Variants in IFT140 observed in about 807,000 individuals in gnomAD.
The protein encoded by IFT140 is intraflagellar transport 140, also known as intraflagellar transport protein 140 homolog.
In IFT140, 133 loss-of-function variants were observed where a neutral mutation model predicts 164.6. That is an observed-to-expected ratio of 0.81 (90% CI 0.70 to 0.93). The LOEUF is 0.93. Among genes scored for constraint, IFT140 ranks in the 40% least tolerant of loss-of-function variants. IFT140 has a pLI of 0.00. For missense variants in IFT140, 2,045 were observed against 1,972.3 expected (o/e 1.04, Z -0.70); for synonymous variants, 860 against 817.3 (o/e 1.05, Z -0.89).
chr16:1,512,012 A>C (rs908323068), intron 30 of IFT140, among the ~76,000 whole-genome samples: 1 of 151,298 alleles, frequency 6.6e-6, no homozygotes, highest in Non-Finnish European at 1.5e-5. Flanking sequence ...GTCCTGATGC[A>C]ACCAGGGCCT....
At chr16:1,541,233 CTGAG>C (rs1334941825) in intron 19 of IFT140, 1 of 985,292 alleles carries the variant, frequency 1.0e-6, no homozygotes, top group Non-Finnish European at 1.2e-6. Flanking sequence ...ACTTAAGCCA[CTGAG>C]TGAAAGATTT....
chr16:1,526,085 AT>A lies in IFT140; in HGVS notation c.2578-9del. 6.3e-7 allele frequency: 1 copy of A among 1,575,998 alleles called. No homozygotes were observed. Among genetic ancestry groups the A allele is most frequent in the Non-Finnish European group, 8.6e-7 (1 of 1,160,874 alleles). On this transcript the variant is annotated splice_polypyrimidine_tract_variant and intron_variant, in intron 20 of 30. Coordinates refer to ENST00000426508, the MANE Select transcript of IFT140 (RefSeq NM_014714.4). The stretch of plus-strand genomic sequence containing the variant: ...CAGCTGCTCGGCGTCCTCCTGAGGA[AT>A]GAGGATGGGCAGGTGTCGTGCAGCC...
chr16:1,576,440 A>AT (rs2034280214), intron 13 of IFT140, among the ~76,000 whole-genome samples: 1 of 151,196 alleles, frequency 6.6e-6, no homozygotes, highest in Non-Finnish European at 1.5e-5. Flanking sequence ...AAATACAAAA[A>AT]AAATAGCTGG....
At chr16:1,518,428 A>C in intron 29 of IFT140, 71 bp from the exon 30 acceptor site, 1 of 1,458,184 alleles carries the variant, frequency 6.9e-7, no homozygotes, top group South Asian at 1.4e-5. Context: ...GTCAGAGGAG[A>C]CTCTTGGCCT....
chr16:1,538,599 C>A (rs1174132942), intron 19 of IFT140, among the ~76,000 whole-genome samples: 2 of 152,198 alleles, frequency 1.3e-5, no homozygotes, highest in Non-Finnish European at 2.9e-5. Context: ...CGAACATGAC[C>A]TTCTGCGTGA....
intron 4 of IFT140, among the ~76,000 whole-genome samples, chr16:1,599,813 G>C (rs1247556764): frequency 1.4e-5 from 1 of 71,578 alleles, no homozygotes; most frequent in Non-Finnish European, 2.5e-5. Context: ...CAGCCGCCCC[G>C]TCCAGGAGGG....
intron 3 of IFT140, among the ~76,000 whole-genome samples, chr16:1,605,992 A>G (rs906018169): frequency 6.6e-6 from 1 of 152,148 alleles, no homozygotes; most frequent in Admixed American, 6.6e-5. Flanking sequence ...GCCGGATGAC[A>G]CCAGAGGCAG....
intron 24 of IFT140, 86 bp downstream of exon 24, chr16:1,524,466 A>G: frequency 6.5e-7 from 1 of 1,534,504 alleles, no homozygotes; most frequent in Non-Finnish European, 8.8e-7. Flanking sequence ...TGTCACTGAC[A>G]CGATTCTCTC....
intron 4 of IFT140, among the ~76,000 whole-genome samples, chr16:1,595,226 A>T: frequency 6.6e-6 from 1 of 152,132 alleles, no homozygotes; most frequent in East Asian, 1.9e-4. Context: ...CGGAGCTTGC[A>T]GTGAGCCGAG....
chr16:1,513,578 G>C (rs536224174), intron 30 of IFT140, among the ~76,000 whole-genome samples: 1 of 152,124 alleles, frequency 6.6e-6, no homozygotes, highest in Non-Finnish European at 1.5e-5. Context: ...CCCTAATGAC[G>C]ACGGACACAT....
chr16:1,607,191 C>T lies in IFT140; in HGVS notation c.76G>A (p.Val26Ile). The change falls in exon 3 of 31, where the codon GTC (valine) becomes ATC (isoleucine). Residue 26 changes from valine (V) to isoleucine (I), a missense_variant. Val to Ile is a conservative substitution (Grantham distance 29). Coordinates refer to ENST00000426508, the MANE Select transcript of IFT140 (RefSeq NM_014714.4). ...GSPSFISWHP[V>I]HPFLAVAYIS... ...TAAGCAACTGCCAAGAATGGATGGA[C>T]AGGGTGCCAGCTGATAAATGAGGGT... is the stretch of plus-strand genomic sequence containing the variant. The T allele has an allele frequency of 6.2e-7, 1 of 1,614,116 alleles. No individual in the cohort carries two copies. The highest frequency in any genetic ancestry group is 8.5e-7 in the Non-Finnish European group (1 of 1,180,014).
rs939902985 is a variant in IFT140, at chr16:1,612,051, A to C, written c.-305T>G. The C allele has an allele frequency of 6.6e-6, 1 of 152,266 alleles. No individual in the cohort carries two copies. Among genetic ancestry groups the C allele is most frequent in the South Asian group, 2.1e-4 (1 of 4,822 alleles). 9.4% of individuals were successfully genotyped at this position (152,266 alleles called of 1,614,324 possible). A position where few individuals can be genotyped will look rare whatever the true frequency, so the allele number is the denominator to read the frequency against. On this transcript the variant is annotated 5_prime_UTR_variant, in exon 1 of 31. Transcript: ENST00000426508. ...CGAGCTACCACGCCGTTTTCTTCTC[A>C]CGTATCCGTCAACACTGCTGCGGCC...
At chr16:1,582,388 G>A (rs1384483541) in intron 12 of IFT140, among the ~76,000 whole-genome samples, 1 of 152,232 alleles carries the variant, frequency 6.6e-6, no homozygotes, top group Non-Finnish European at 1.5e-5. Context: ...GCAGCCACCA[G>A]AAGCTGAAAC....
At chr16:1,550,737 G>A (rs2281229) in intron 19 of IFT140, among the ~76,000 whole-genome samples, 8,014 of 152,270 alleles carry the variant, frequency 0.053, 437 homozygotes, top group Admixed American at 0.17. Flanking sequence ...CTCCACATAG[G>A]GCAAGGCCCT....
chr16:1,562,548 C>T (rs559524266), intron 17 of IFT140, among the ~76,000 whole-genome samples: 29 of 152,186 alleles, frequency 1.9e-4, no homozygotes, highest in African/African-American at 4.3e-4. Context: ...CTGAGGTGGG[C>T]GGATCACGAG....
chr16:1,517,442 A>T (rs2040397447), intron 30 of IFT140, among the ~76,000 whole-genome samples: 1 of 146,936 alleles, frequency 6.8e-6, no homozygotes, highest in South Asian at 2.1e-4. Context: ...TAAATGGATA[A>T]TAAGCACATG....
intron 19 of IFT140, among the ~76,000 whole-genome samples, chr16:1,549,442 T>C (rs1042577199): frequency 6.6e-6 from 1 of 152,262 alleles, no homozygotes; most frequent in African/African-American, 2.4e-5. Context: ...TCTTTGTTTT[T>C]TGAGACTGGC....
chr16:1,548,263 G>A (rs1347447217), intron 19 of IFT140, among the ~76,000 whole-genome samples: 1 of 152,234 alleles, frequency 6.6e-6, no homozygotes, highest in Non-Finnish European at 1.5e-5. Flanking sequence ...TAGCTCTGCA[G>A]CTGTACGAAG....
At chr16:1,583,524 T>C in intron 11 of IFT140, 138 bp from the exon 12 acceptor site, 1 of 649,874 alleles carries the variant, frequency 1.5e-6, no homozygotes. Context: ...ATGAGATCAC[T>C]GGGTCCTCTG....
Sources: gnomAD v4.1 joint callset for allele counts (sites outside exome capture counted in the v4.1 genomes callset) on GRCh38, gnomAD v4.1.1 for gene constraint, MANE v1.5 for transcripts, NCBI Gene and HGNC (gene_info 2026-07-23, HGNC 2026-07-21) for gene names.